Variants in TBX15 observed in about 807,000 individuals in gnomAD.
TBX15 encodes T-box transcription factor 15.
Under a neutral mutation model 53.9 loss-of-function variants are expected in TBX15, and 18 were observed. The observed-to-expected ratio is 0.33, with a 90% CI of 0.23 to 0.49. The LOEUF is 0.49. Ranked by LOEUF, TBX15 falls within the 20% of genes least tolerant of loss-of-function variation. The probability of loss-of-function intolerance (pLI) is 0.98; values close to 1 mark genes in which losing one functional copy is unlikely to be tolerated. For missense variants in TBX15, 692 were observed against 749.5 expected, an observed-to-expected ratio of 0.92 and a Z score of 0.90; for synonymous variants, 295 against 278.0, an observed-to-expected ratio of 1.06 and a Z score of -0.61.
At chr1:118,956,117 C>G (rs1428545192) in intron 1 of TBX15, among the ~76,000 whole-genome samples, 1 of 152,170 alleles carries the variant, frequency 6.6e-6, no homozygotes, top group African/African-American at 2.4e-5. Context: ...TCACCAGACA[C>G]CAAACCCCAA....
At chr1:118,905,485 C>T (rs1420834016) in intron 6 of TBX15, among the ~76,000 whole-genome samples, 1 of 152,174 alleles carries the variant, frequency 6.6e-6, no homozygotes, top group Admixed American at 6.5e-5. Flanking sequence ...TAAAAGACTA[C>T]AAGCCAAAGA....
At chr1:118,946,950 C>A (rs972338324) in intron 1 of TBX15, among the ~76,000 whole-genome samples, 6 of 152,326 alleles carry the variant, frequency 3.9e-5, no homozygotes, top group Admixed American at 2.6e-4. Flanking sequence ...CCAAGCTTAC[C>A]AGGTTCTTTC....
upstream of TBX15, among the ~76,000 whole-genome samples, chr1:118,989,008 G>A (rs1571227458): frequency 6.6e-6 from 1 of 152,212 alleles, no homozygotes; most frequent in Non-Finnish European, 1.5e-5. Flanking sequence ...GGAGCGCGGG[G>A]TTTAGGGCGA....
chr1:118,985,619 G>A (rs1295351553), intron 1 of TBX15, among the ~76,000 whole-genome samples: 1 of 152,256 alleles, frequency 6.6e-6, no homozygotes. Context: ...CAGAAAGCCA[G>A]AGGGTGCTGG....
chr1:118,979,803 G>A (rs113197996), intron 1 of TBX15, among the ~76,000 whole-genome samples: 56,344 of 152,058 alleles, frequency 0.37, 11,255 homozygotes, highest in Non-Finnish European at 0.44. Context: ...CCAAGGCCCC[G>A]CGATAACCCC....
chr1:118,899,124 T>A lies in TBX15; in HGVS notation c.928A>T (p.Thr310Ser), dbSNP rs746568173. The change falls in exon 7 of 8, where the codon ACT becomes TCT. Residue 310 changes from threonine (T) to serine (S), a missense_variant and splice_region_variant. Transcript: ENST00000369429. Reference protein sequence around the residue: ...KGFRDSGRNRTGLEAIMETYA... With the variant: ...KGFRDSGRNRSGLEAIMETYA... The stretch of plus-strand genomic sequence containing the variant: ...GTCTCCATGATGGCTTCAAGTCCAG[T>A]TCTGACAAGAGAAAAGCCAGCAAAG... 1.2e-6 allele frequency: 2 copies of A among 1,613,322 alleles called. No homozygotes were observed. The highest frequency in any genetic ancestry group is 2.2e-5 in the South Asian group (2 of 91,058).
At position 118,971,112 on chromosome 1, in the gene TBX15, T is replaced by C. The variant is rs549648941; in HGVS notation, c.205+16479A>G. On this transcript the variant is annotated intron_variant, in intron 1 of 7. Transcript: ENST00000369429. Reference sequence around the variant, plus strand: ...GCCGTGGTCACAATCCTGAAACAAATAGGAAAAGAGGAGGCAGAGAGGTTC... The same window carrying C: ...GCCGTGGTCACAATCCTGAAACAAACAGGAAAAGAGGAGGCAGAGAGGTTC... 2.6e-5 allele frequency among the ~76,000 whole-genome samples: 4 copies of C among 152,252 alleles called. No individual in the cohort carries two copies. In the South Asian group the frequency reaches 6.2e-4, roughly 24 times the overall value.
chr1:118,899,444 C>G (rs1654544046), intron 6 of TBX15, among the ~76,000 whole-genome samples: 1 of 152,180 alleles, frequency 6.6e-6, no homozygotes, highest in Non-Finnish European at 1.5e-5. Flanking sequence ...CCACTAATAT[C>G]ATGAGTACAG....
intron 1 of TBX15, among the ~76,000 whole-genome samples, chr1:118,973,495 C>A (rs565743157): frequency 5.8e-4 from 88 of 151,960 alleles, no homozygotes; most frequent in African/African-American, 2.1e-3. Flanking sequence ...GAATAAAAAC[C>A]TCTCAAAAGT....
chr1:118,983,217 A>G (rs1371606265), intron 1 of TBX15, among the ~76,000 whole-genome samples: 2 of 151,734 alleles, frequency 1.3e-5, no homozygotes, highest in Non-Finnish European at 2.9e-5. Context: ...AGCACATTTT[A>G]CCTTCCTCCC....
intron 2 of TBX15, among the ~76,000 whole-genome samples, chr1:118,931,094 C>T (rs1655766809): frequency 1.3e-5 from 2 of 152,168 alleles, no homozygotes; most frequent in Non-Finnish European, 2.9e-5. Context: ...CCTAGAAAAA[C>T]AGTTTTACAA....
chr1:118,893,482 G>GAGGGA (rs1654265539), intron 7 of TBX15, among the ~76,000 whole-genome samples: 1 of 122,666 alleles, frequency 8.2e-6, no homozygotes, highest in Non-Finnish European at 1.6e-5. Flanking sequence ...AGGAAGGAAG[G>GAGGGA]AAGGAAAGAA....
intron 1 of TBX15, among the ~76,000 whole-genome samples, chr1:118,944,690 C>A (rs531774550): frequency 1.3e-5 from 2 of 152,326 alleles, no homozygotes; most frequent in African/African-American, 4.8e-5. Flanking sequence ...CTCTCCCTGT[C>A]CCTGCCTAGG....
intron 1 of TBX15, among the ~76,000 whole-genome samples, chr1:118,954,731 G>A (rs1252409710): frequency 3.3e-5 from 5 of 152,202 alleles, no homozygotes; most frequent in African/African-American, 1.2e-4. Context: ...CTCAAAGACA[G>A]GAAATATTTC....
chr1:118,938,838 T>C (rs1281337193), intron 1 of TBX15, among the ~76,000 whole-genome samples: 2 of 152,222 alleles, frequency 1.3e-5, no homozygotes, highest in Non-Finnish European at 2.9e-5. Flanking sequence ...CCATTTTTAA[T>C]GGGGTTGCTT....
chr1:118,914,261 C>T, intron 5 of TBX15, 82 bp from the exon 6 acceptor site: 2 of 1,271,788 alleles, frequency 1.6e-6, no homozygotes, highest in South Asian at 2.5e-5. Context: ...ACAAAAATCA[C>T]TTTTTTAATA....
chr1:118,987,995 C>T lies in TBX15; in HGVS notation c.-200G>A. The T allele has an allele frequency of 1.5e-6, 1 of 676,244 alleles. No individual in the cohort carries two copies. Among genetic ancestry groups the T allele is most frequent in the Admixed American group, 3.0e-5 (1 of 33,650 alleles). 41.9% of individuals were successfully genotyped at this position (676,244 alleles called of 1,614,324 possible). On this transcript the variant is annotated 5_prime_UTR_variant, in exon 1 of 8. Transcript: ENST00000369429. Reference sequence around the variant, plus strand: ...CCTCTGCCGGATCCGACCTGCGCCCCTACGCTGGCCCAGCTGCTAGGAACT... The same window carrying T: ...CCTCTGCCGGATCCGACCTGCGCCCTTACGCTGGCCCAGCTGCTAGGAACT...
At chr1:118,909,568 G>GTTGA in intron 6 of TBX15, among the ~76,000 whole-genome samples, 1 of 152,064 alleles carries the variant, frequency 6.6e-6, no homozygotes, top group Non-Finnish European at 1.5e-5. Flanking sequence ...TGTTGTTGTT[G>GTTGA]TTGTTTGTTT....
rs569024161 is a variant in TBX15, at chr1:118,933,275, A to G, written c.206-1443T>C. Among the ~76,000 whole-genome samples, 488 of 152,262 alleles carry G rather than the reference A, an allele frequency of 3.2e-3. 5 individuals carry two copies. Among genetic ancestry groups the G allele is most frequent in the African/African-American group, 0.011 (464 of 41,544 alleles). On this transcript the variant is annotated intron_variant, in intron 1 of 7. Transcript: ENST00000369429. ...GGAATAAAGTGCCCACAGGGGAAAA[A>G]GTGTCATTTCTCTCCATCTCCCTAA... is the stretch of plus-strand genomic sequence containing the variant.
Sources: gnomAD v4.1 joint callset for allele counts (sites outside exome capture counted in the v4.1 genomes callset) on GRCh38, gnomAD v4.1.1 for gene constraint, MANE v1.5 for transcripts, NCBI Gene and HGNC (gene_info 2026-07-23, HGNC 2026-07-21) for gene names.